Variants in ODAD2 observed in about 807,000 individuals in gnomAD.
The protein encoded by ODAD2 is outer dynein arm-docking complex subunit 2.
A neutral mutation model predicts 106.8 loss-of-function variants in ODAD2; 89 were observed. The ratio of observed to expected loss-of-function variants is 0.83; its 90% confidence interval spans 0.70 to 0.99. The LOEUF (loss-of-function observed/expected upper bound fraction) is 0.99. ODAD2 is among the 50% of genes least tolerant of loss of function. The probability of loss-of-function intolerance (pLI) is 0.00; values close to 1 mark genes in which losing one functional copy is unlikely to be tolerated. For synonymous variants in ODAD2, 404 were observed against 436.2 expected (o/e 0.93, Z 0.92); for missense variants, 1,168 against 1,238.5 (o/e 0.94, Z 0.85).
chr10:27,989,358 G>T (rs12767770), intron 2 of ODAD2, among the ~76,000 whole-genome samples: 13,106 of 152,172 alleles, frequency 0.086, 771 homozygotes, highest in Non-Finnish European at 0.13. Flanking sequence ...GGGAATAAAT[G>T]AATGAATAAA....
chr10:27,931,474 A>G (rs1845614785), intron 16 of ODAD2, among the ~76,000 whole-genome samples: 1 of 151,800 alleles, frequency 6.6e-6, no homozygotes, highest in African/African-American at 2.4e-5. Context: ...TAAAATTATC[A>G]CTTCACTTGT....
chr10:27,849,475 C>T (rs985523055), intron 19 of ODAD2, among the ~76,000 whole-genome samples: 1 of 152,030 alleles, frequency 6.6e-6, no homozygotes, highest in Admixed American at 6.6e-5. Flanking sequence ...GGGTGCAGCA[C>T]ACCAGCATGG....
chr10:27,926,556 A>C (rs192220343), intron 16 of ODAD2, among the ~76,000 whole-genome samples: 269 of 152,290 alleles, frequency 1.8e-3, no homozygotes, highest in Non-Finnish European at 3.1e-3. Context: ...GAAATGTACT[A>C]TGACTATGTA....
chr10:27,986,985 A>G (rs926660426), intron 3 of ODAD2, among the ~76,000 whole-genome samples: 1 of 152,224 alleles, frequency 6.6e-6, no homozygotes, highest in African/African-American at 2.4e-5. Context: ...TTGTCATTCA[A>G]TCTATTCCTT....
chr10:27,972,020 G>T (rs577895838), intron 7 of ODAD2, among the ~76,000 whole-genome samples: 67 of 152,176 alleles, frequency 4.4e-4, no homozygotes, highest in African/African-American at 1.5e-3. Context: ...AAATATACAA[G>T]ACTTTGTGTA....
chr10:27,850,149 A>T (rs1220865975), intron 19 of ODAD2, among the ~76,000 whole-genome samples: 1 of 152,202 alleles, frequency 6.6e-6, no homozygotes, highest in Non-Finnish European at 1.5e-5. Flanking sequence ...CTGTGTGTTT[A>T]AAGTGAAAAC....
intron 16 of ODAD2, among the ~76,000 whole-genome samples, chr10:27,910,587 T>A (rs1843933706): frequency 6.6e-6 from 1 of 151,752 alleles, no homozygotes; most frequent in African/African-American, 2.4e-5. Flanking sequence ...ATCCTGTCTC[T>A]ACAAAAAATA....
At chr10:27,852,260 T>G (rs1797164196) in intron 19 of ODAD2, among the ~76,000 whole-genome samples, 1 of 152,152 alleles carries the variant, frequency 6.6e-6, no homozygotes, top group African/African-American at 2.4e-5. Context: ...AAACAGTAAC[T>G]ATGAAGGTAA....
intron 17 of ODAD2, among the ~76,000 whole-genome samples, chr10:27,881,698 T>A (rs1321625531): frequency 6.6e-6 from 1 of 152,150 alleles, no homozygotes; most frequent in African/African-American, 2.4e-5. Context: ...TAGATAATAA[T>A]TCTATGTTTA....
intron 19 of ODAD2, among the ~76,000 whole-genome samples, chr10:27,845,636 G>T (rs1256381844): frequency 6.6e-6 from 1 of 152,172 alleles, no homozygotes; most frequent in Non-Finnish European, 1.5e-5. Flanking sequence ...CAAATTGGAT[G>T]AAGAGTCAGG....
chr10:27,857,176 C>T (rs1462162868), intron 19 of ODAD2, among the ~76,000 whole-genome samples: 2 of 152,228 alleles, frequency 1.3e-5, no homozygotes, highest in East Asian at 3.9e-4. Flanking sequence ...TCCTCTTCAG[C>T]CTACTCTACG....
chr10:27,861,182 G>A (rs537472546), intron 18 of ODAD2, among the ~76,000 whole-genome samples: 428 of 152,246 alleles, frequency 2.8e-3, no homozygotes, highest in African/African-American at 9.7e-3. Context: ...AGTAGAGAAG[G>A]GGTTTCACCA....
At chr10:27,866,561 A>G (rs1386928269) in intron 17 of ODAD2, among the ~76,000 whole-genome samples, 1 of 152,254 alleles carries the variant, frequency 6.6e-6, no homozygotes, top group East Asian at 1.9e-4. Flanking sequence ...AAAGAAGATA[A>G]GTTTATTTGG....
chr10:27,825,134 C>T (rs904850620), intron 19 of ODAD2, among the ~76,000 whole-genome samples: 1 of 152,190 alleles, frequency 6.6e-6, no homozygotes, highest in Non-Finnish European at 1.5e-5. Context: ...TCCTCTCTTT[C>T]TCTCATAGCC....
chr10:27,887,208 T>C (rs1842283213), intron 17 of ODAD2, among the ~76,000 whole-genome samples: 2 of 152,030 alleles, frequency 1.3e-5, no homozygotes, highest in Non-Finnish European at 2.9e-5. Flanking sequence ...GAGAGCAAGA[T>C]TGTCCATACC....
rs753272733 is a variant in ODAD2 at position 27,862,657 on chromosome 10, C to G, written c.2611-35G>C. On this transcript the variant is annotated intron_variant, in intron 17 of 19. Transcript: ENST00000305242. ...AATAAAAGTAAAGATGGTATCAAAA[C>G]TAAACCTACATTTAGGCATTTTTTA... 42 of 1,520,912 alleles carry G rather than the reference C, an allele frequency of 2.8e-5. 1 individual carries two copies. In the East Asian group the frequency reaches 9.6e-4, roughly 35 times the overall value. 94.2% of individuals were successfully genotyped at this position (1,520,912 alleles called of 1,614,324 possible). A position where few individuals can be genotyped will look rare whatever the true frequency, so the allele number is the denominator to read the frequency against.
chr10:27,958,789 C>A, intron 10 of ODAD2: 1 of 1,181,564 alleles, frequency 8.5e-7, no homozygotes, highest in Non-Finnish European at 1.1e-6. Flanking sequence ...TTTATTTTTC[C>A]ATCTTCACCA....
chr10:27,912,525 C>T (rs1844081922), intron 16 of ODAD2, among the ~76,000 whole-genome samples: 1 of 152,080 alleles, frequency 6.6e-6, no homozygotes, highest in Non-Finnish European at 1.5e-5. Context: ...CCATTGAGGC[C>T]ATATATATGA....
At chr10:27,970,168 G>A (rs551877053) in intron 8 of ODAD2, among the ~76,000 whole-genome samples, 2 of 151,960 alleles carry the variant, frequency 1.3e-5, no homozygotes, top group East Asian at 3.9e-4. Flanking sequence ...ATTTCTGACT[G>A]CCCCAGCATT....
Sources: gnomAD v4.1 joint callset for allele counts (sites outside exome capture counted in the v4.1 genomes callset) on GRCh38, gnomAD v4.1.1 for gene constraint, MANE v1.5 for transcripts, NCBI Gene and HGNC (gene_info 2026-07-23, HGNC 2026-07-21) for gene names.